The following C1QTNF3 variants were observed in gnomAD, a reference collection of about 807,000 sequenced individuals.
The protein encoded by C1QTNF3 is C1q and TNF related 3.
A neutral mutation model predicts 32.6 loss-of-function variants in C1QTNF3; 26 were observed. The ratio of observed to expected loss-of-function variants is 0.80; its 90% CI spans 0.58 to 1.11. C1QTNF3 has a LOEUF of 1.11. Ranked by LOEUF, C1QTNF3 falls within the 50% of genes least tolerant of loss-of-function variation. The pLI is 0.00. For missense variants in C1QTNF3, 362 were observed against 398.2 expected (o/e 0.91, Z 0.77); for synonymous variants, 155 against 146.0 (o/e 1.06, Z -0.44).
the C1QTNF3 span, among the ~76,000 whole-genome samples, chr5:34,087,119 ATTCTG>A: frequency 6.8e-6 from 1 of 146,194 alleles, no homozygotes; most frequent in African/African-American, 2.6e-5. Flanking sequence ...GCCCTTATAG[ATTCTG>A]TCCATCATTT....
At chr5:34,081,817 A>T in the C1QTNF3 span, among the ~76,000 whole-genome samples, 1 of 151,866 alleles carries the variant, frequency 6.6e-6, no homozygotes, top group African/African-American at 2.4e-5. Flanking sequence ...TAATAATAAA[A>T]TATTTCCAAA....
At chr5:34,071,613 A>G in the C1QTNF3 span, among the ~76,000 whole-genome samples, 7 of 152,156 alleles carry the variant, frequency 4.6e-5, no homozygotes, top group Admixed American at 3.9e-4. Flanking sequence ...TTTAAAATAA[A>G]CTTTAAATAA....
At chr5:34,064,692 T>A in the C1QTNF3 span, among the ~76,000 whole-genome samples, 1 of 152,080 alleles carries the variant, frequency 6.6e-6, no homozygotes, top group Non-Finnish European at 1.5e-5. Context: ...CAGTGGTGGA[T>A]GGCAAGCAAA....
chr5:34,045,451 T>A (rs892100058), upstream of C1QTNF3, among the ~76,000 whole-genome samples: 1 of 152,198 alleles, frequency 6.6e-6, no homozygotes, highest in Non-Finnish European at 1.5e-5. Context: ...CACTGATCCA[T>A]CCTCTCATTG....
chr5:34,050,553 T>C, the C1QTNF3 span, among the ~76,000 whole-genome samples: 1 of 152,194 alleles, frequency 6.6e-6, no homozygotes, highest in Non-Finnish European at 1.5e-5. Flanking sequence ...GGAAGGCCTC[T>C]AAAATTTCCA....
chr5:34,109,918 G>T, the C1QTNF3 span, among the ~76,000 whole-genome samples: 2 of 152,278 alleles, frequency 1.3e-5, no homozygotes, highest in Non-Finnish European at 2.9e-5. Context: ...ATAGTGGCTA[G>T]GTTCCAAAGG....
the C1QTNF3 span, among the ~76,000 whole-genome samples, chr5:34,170,762 T>C: frequency 2.0e-5 from 3 of 152,158 alleles, no homozygotes; most frequent in Non-Finnish European, 2.9e-5. Context: ...TACACAAGAA[T>C]TGATACCAAC....
chr5:34,100,126 C>A, the C1QTNF3 span, among the ~76,000 whole-genome samples: 5 of 151,952 alleles, frequency 3.3e-5, no homozygotes, highest in Non-Finnish European at 7.4e-5. Context: ...GGCCCTGTCT[C>A]TCTGCTTCCA....
At chr5:34,087,570 CTTTTTTTTTTTT>C in the C1QTNF3 span, among the ~76,000 whole-genome samples, 66 of 70,020 alleles carry the variant, frequency 9.4e-4, 2 homozygotes, top group Non-Finnish European at 1.4e-3. Flanking sequence ...ACGCTTTTGT[CTTTTTTTTTTTT>C]TTTTTTTTTT....
the C1QTNF3 span, among the ~76,000 whole-genome samples, chr5:34,218,733 C>CTA: frequency 6.6e-6 from 1 of 152,098 alleles, no homozygotes; most frequent in Non-Finnish European, 1.5e-5. Context: ...CTCTAGAACT[C>CTA]TAGGTAAACG....
chr5:34,126,236 T>C, the C1QTNF3 span, among the ~76,000 whole-genome samples: 16 of 152,002 alleles, frequency 1.1e-4, no homozygotes, highest in Non-Finnish European at 1.6e-4. Flanking sequence ...CCATTATGCA[T>C]TGCTGGAGTA....
At position 34,019,496 on chromosome 5, in the gene C1QTNF3, T is replaced by C. The variant is rs1754274266; in HGVS notation, c.*1087A>G. ...TATTTGTGAGCCCTCTAAACATCAA[T>C]GTCTTAAAGGGTTGACATTATAACA... On this transcript the variant is annotated 3_prime_UTR_variant, in exon 6 of 6. Transcript: ENST00000382065. 2 of 152,236 alleles carry C rather than the reference T, an allele frequency of 1.3e-5. No individual in the cohort carries two copies. Among genetic ancestry groups the C allele is most frequent in the Admixed American group, 1.3e-4 (2 of 15,282 alleles). The allele number at this position is 152,236 out of a possible 1,614,324, so 9.4% of individuals were successfully genotyped here. A position where few individuals can be genotyped will look rare whatever the true frequency, so the allele number is the denominator to read the frequency against.
the C1QTNF3 span, among the ~76,000 whole-genome samples, chr5:34,056,454 G>GTATATA: frequency 3.1e-3 from 151 of 48,798 alleles, 6 homozygotes; most frequent in African/African-American, 7.7e-3. Flanking sequence ...GTGTGTGTGT[G>GTATATA]TATATATATA....
At chr5:34,159,173 A>T in the C1QTNF3 span, among the ~76,000 whole-genome samples, 3 of 115,498 alleles carry the variant, frequency 2.6e-5, no homozygotes, top group Non-Finnish European at 6.5e-5. Flanking sequence ...GATCATATTT[A>T]TTTCAGAAAA....
chr5:34,112,277 A>C, the C1QTNF3 span, among the ~76,000 whole-genome samples: 2 of 152,154 alleles, frequency 1.3e-5, no homozygotes, highest in African/African-American at 4.8e-5. Flanking sequence ...CACACTGATT[A>C]TTTCCAACCA....
At chr5:34,215,793 A>G in the C1QTNF3 span, among the ~76,000 whole-genome samples, 2 of 152,152 alleles carry the variant, frequency 1.3e-5, no homozygotes, top group Non-Finnish European at 2.9e-5. Context: ...CCACCACATA[A>G]GGCTAACTTA....
the C1QTNF3 span, among the ~76,000 whole-genome samples, chr5:34,112,906 T>C: frequency 6.6e-6 from 1 of 151,848 alleles, no homozygotes; most frequent in Admixed American, 6.6e-5. Context: ...TAACACATGG[T>C]GACAGAGGAG....
chr5:34,155,935 T>A, the C1QTNF3 span, among the ~76,000 whole-genome samples: 1 of 152,336 alleles, frequency 6.6e-6, no homozygotes, highest in South Asian at 2.1e-4. Flanking sequence ...GCTTACTTTT[T>A]GCTTTTTGAT....
At chr5:34,164,192 G>A in the C1QTNF3 span, among the ~76,000 whole-genome samples, 1 of 152,048 alleles carries the variant, frequency 6.6e-6, no homozygotes, top group African/African-American at 2.4e-5. Flanking sequence ...ACAGCAAAAC[G>A]GTGGACTCCA....
Sources: gnomAD v4.1 joint callset for allele counts (sites outside exome capture counted in the v4.1 genomes callset) on GRCh38, gnomAD v4.1.1 for gene constraint, MANE v1.5 for transcripts, NCBI Gene and HGNC (gene_info 2026-07-23, HGNC 2026-07-21) for gene names.